AKAP6: variants seen among roughly 807,000 people sequenced by gnomAD.
AKAP6 encodes A-kinase anchor protein 6.
AKAP6 carries 58 observed loss-of-function variants against 188.5 expected under a neutral mutation model. That is an observed-to-expected ratio of 0.31 (90% CI 0.25 to 0.38). The LOEUF (loss-of-function observed/expected upper bound fraction) is 0.38. Ranked by LOEUF, AKAP6 falls within the 10% of genes least tolerant of loss-of-function variation. The pLI is 1.00. For missense variants in AKAP6, 2,710 were observed against 2,740.0 expected, an observed-to-expected ratio of 0.99 and a Z score of 0.24; for synonymous variants, 989 against 998.6, an observed-to-expected ratio of 0.99 and a Z score of 0.18.
intron 5 of AKAP6, among the ~76,000 whole-genome samples, chr14:32,596,732 G>C (rs1322246545): frequency 1.3e-5 from 2 of 152,164 alleles, no homozygotes; most frequent in Admixed American, 1.3e-4. Flanking sequence ...ACACCATAGG[G>C]CATTGCTGAA....
intron 2 of AKAP6, among the ~76,000 whole-genome samples, chr14:32,462,333 A>G (rs142851204): frequency 0.029 from 4,377 of 152,300 alleles, 79 homozygotes; most frequent in East Asian, 0.074. Context: ...CCAGAGAGAA[A>G]GGTCAGGTTA....
intron 1 of AKAP6, among the ~76,000 whole-genome samples, chr14:32,349,483 C>CAGAAATATAGAA (rs1358372476): frequency 6.6e-6 from 1 of 151,994 alleles, no homozygotes; most frequent in Non-Finnish European, 1.5e-5. Flanking sequence ...TCCTTAGCCT[C>CAGAAATATAGAA]AGAAATATAG....
chr14:32,538,428 A>T (rs1268461415), intron 3 of AKAP6, among the ~76,000 whole-genome samples: 2 of 152,196 alleles, frequency 1.3e-5, no homozygotes, highest in Non-Finnish European at 2.9e-5. Context: ...AAGTTAGTTA[A>T]ATTTCAGAGC....
At chr14:32,607,455 A>C (rs971241802) in intron 7 of AKAP6, among the ~76,000 whole-genome samples, 3 of 152,226 alleles carry the variant, frequency 2.0e-5, no homozygotes, top group Non-Finnish European at 2.9e-5. Context: ...TAGTAAGACT[A>C]AATTGTGCCT....
At chr14:32,629,036 C>T (rs1470585461) in intron 7 of AKAP6, among the ~76,000 whole-genome samples, 1 of 152,048 alleles carries the variant, frequency 6.6e-6, no homozygotes, top group African/African-American at 2.4e-5. Flanking sequence ...AGGAGGGAAT[C>T]TTCTATTACT....
intron 1 of AKAP6, among the ~76,000 whole-genome samples, chr14:32,417,160 AAGT>A (rs1889686027): frequency 6.6e-6 from 1 of 152,166 alleles, no homozygotes; most frequent in Non-Finnish European, 1.5e-5. Flanking sequence ...TATTTAGTTC[AAGT>A]GACTGCTTCA....
intron 2 of AKAP6, among the ~76,000 whole-genome samples, chr14:32,467,861 C>T (rs115966522): frequency 7.8e-4 from 119 of 152,166 alleles, no homozygotes; most frequent in African/African-American, 2.7e-3. Context: ...TTTGCCATTA[C>T]ATGTTAAATT....
intron 2 of AKAP6, among the ~76,000 whole-genome samples, chr14:32,466,784 C>G (rs1172688521): frequency 1.5e-5 from 2 of 132,586 alleles, no homozygotes; most frequent in African/African-American, 3.3e-5. Flanking sequence ...ATGTGTAGAC[C>G]CTTTTTGGAT....
chr14:32,707,348 A>G (rs1293228873), intron 9 of AKAP6, among the ~76,000 whole-genome samples: 1 of 152,064 alleles, frequency 6.6e-6, no homozygotes, highest in Non-Finnish European at 1.5e-5. Context: ...CCATGTTACA[A>G]ATCTTGGCAT....
At chr14:32,491,026 A>T (rs1879985170) in intron 2 of AKAP6, among the ~76,000 whole-genome samples, 1 of 152,200 alleles carries the variant, frequency 6.6e-6, no homozygotes, top group Non-Finnish European at 1.5e-5. Flanking sequence ...CAGAAAAGAC[A>T]TTTAATATCC....
At chr14:32,589,234 T>C (rs1216325706) in intron 5 of AKAP6, among the ~76,000 whole-genome samples, 1 of 152,254 alleles carries the variant, frequency 6.6e-6, no homozygotes, top group African/African-American at 2.4e-5. Flanking sequence ...ATGAGCAGGC[T>C]GGTGGCCTTA....
intron 4 of AKAP6, among the ~76,000 whole-genome samples, chr14:32,552,977 C>T (rs1272652312): frequency 6.6e-6 from 1 of 151,952 alleles, no homozygotes; most frequent in Non-Finnish European, 1.5e-5. Context: ...ACTCTGTCTT[C>T]TCTGAGTCAC....
At chr14:32,799,826 A>G (rs2033882864) in intron 12 of AKAP6, among the ~76,000 whole-genome samples, 1 of 152,014 alleles carries the variant, frequency 6.6e-6, no homozygotes, top group South Asian at 2.1e-4. Flanking sequence ...AATTAGATCA[A>G]GTCAAGTGAT....
intron 7 of AKAP6, among the ~76,000 whole-genome samples, chr14:32,642,971 A>G (rs994206762): frequency 3.9e-5 from 6 of 152,170 alleles, no homozygotes; most frequent in Admixed American, 3.3e-4. Flanking sequence ...TAGTATTAGA[A>G]TGTTTTCATT....
intron 11 of AKAP6, among the ~76,000 whole-genome samples, chr14:32,742,570 C>T (rs1303214475): frequency 6.6e-6 from 1 of 151,834 alleles, no homozygotes; most frequent in African/African-American, 2.4e-5. Flanking sequence ...GTTGTATTTC[C>T]ATTATCATTT....
chr14:32,595,327 C>G (rs955122209), intron 5 of AKAP6, among the ~76,000 whole-genome samples: 1 of 152,074 alleles, frequency 6.6e-6, no homozygotes, highest in Non-Finnish European at 1.5e-5. Flanking sequence ...CCTGCCCCAG[C>G]CACACTGAGC....
intron 9 of AKAP6, among the ~76,000 whole-genome samples, chr14:32,713,293 T>A (rs1235814296): frequency 6.6e-6 from 1 of 151,906 alleles, no homozygotes; most frequent in East Asian, 1.9e-4. Context: ...CAGAGTAGAG[T>A]TAGCATAATT....
chr14:32,551,297 CGCCGTGGCTCAT>C (rs1304642735), intron 4 of AKAP6, among the ~76,000 whole-genome samples: 1 of 152,080 alleles, frequency 6.6e-6, no homozygotes, highest in Non-Finnish European at 1.5e-5. Context: ...CCCAGCTGGG[CGCCGTGGCTCAT>C]GCCTGTAATC....
chr14:32,512,031 A>G (rs1213793003), intron 2 of AKAP6, among the ~76,000 whole-genome samples: 1 of 152,094 alleles, frequency 6.6e-6, no homozygotes, highest in Non-Finnish European at 1.5e-5. Flanking sequence ...TAATTTTATT[A>G]CTTACTTTAC....
Sources: allele counts gnomAD v4.1 joint callset (sites outside exome capture counted in the v4.1 genomes callset), GRCh38; gene constraint gnomAD v4.1.1; transcripts MANE v1.5; gene names NCBI Gene and HGNC (gene_info 2026-07-23, HGNC 2026-07-21).